The following CEP72 variants were observed in gnomAD, a reference collection of about 807,000 sequenced individuals.
CEP72 encodes the protein centrosomal protein 72, also known as centrosomal protein of 72 kDa.
In CEP72, 78 loss-of-function variants were observed where a neutral mutation model predicts 65.7. The ratio of observed to expected loss-of-function variants is 1.19; its 90% CI spans 0.99 to 1.43. CEP72 has a LOEUF of 1.43. CEP72 is among the 40% of genes most tolerant of loss of function. The probability of loss-of-function intolerance (pLI) is 0.00; values close to 1 mark genes in which losing one functional copy is unlikely to be tolerated. For synonymous variants in CEP72, 358 were observed against 351.7 expected (o/e 1.02, Z -0.20); for missense variants, 914 against 832.9 (o/e 1.10, Z -1.20).
At chr5:646,286 T>G (rs954136352) in intron 10 of CEP72, among the ~76,000 whole-genome samples, 5 of 152,238 alleles carry the variant, frequency 3.3e-5, no homozygotes, top group African/African-American at 1.2e-4. Context: ...TTTCTGACAT[T>G]TCTAATTATG....
chr5:641,457 G>A lies in CEP72; in HGVS notation c.1539+853G>A, dbSNP rs1444520125. 3.0e-6 allele frequency: 3 copies of A among 985,340 alleles called. No individual in the cohort carries two copies. The African/African-American group carries it at 5.2e-5, about 17-fold the overall frequency. 61.0% of individuals were successfully genotyped at this position (985,340 alleles called of 1,614,324 possible). On this transcript the variant is annotated intron_variant, in intron 9 of 11. Coordinates refer to ENST00000264935, the MANE Select transcript of CEP72 (RefSeq NM_018140.4). ...AACTGCCTCTGAACTTGTCTGACAAGTACATACTGTCCGTTTCATGGGAAC... is the reference window on the plus strand; with the variant it reads ...AACTGCCTCTGAACTTGTCTGACAAATACATACTGTCCGTTTCATGGGAAC...
chr5:628,698 G>T (rs1481714948), intron 4 of CEP72, among the ~76,000 whole-genome samples: 14 of 124,648 alleles, frequency 1.1e-4, no homozygotes, highest in East Asian at 2.4e-4. Context: ...GCCCCGGGGA[G>T]TGTTCCCAGG....
In CEP72 at chr5:639,186, G is replaced by T. The variant is rs745342368; in HGVS notation, c.1304G>T (p.Gly435Val). ...TLLDLVDRSW[G>V]GCRSLHSNEA... is the part of the protein sequence containing the mutation. ...TTGGACCTGGTGGACAGGAGCTGGG[G>T]CGGCTGCAGGTCCCTGCACAGCAAC... The change falls in exon 8 of 12, where the codon GGC (glycine) becomes GTC (valine). Residue 435 changes from glycine (G) to valine (V), a missense_variant. Transcript: ENST00000264935. 6.2e-7 allele frequency: 1 copy of T among 1,607,184 alleles called. No homozygotes were observed.
At chr5:622,813 A>G (rs921709427) in intron 3 of CEP72, among the ~76,000 whole-genome samples, 4 of 152,220 alleles carry the variant, frequency 2.6e-5, no homozygotes, top group Non-Finnish European at 5.9e-5. Context: ...GTTTAATTAT[A>G]AGAGGTTTGG....
downstream of CEP72, among the ~76,000 whole-genome samples, chr5:670,648 G>A (rs1014162146): frequency 7.9e-5 from 12 of 152,096 alleles, no homozygotes; most frequent in African/African-American, 2.4e-4. Flanking sequence ...CCTGCACGTC[G>A]CTCCGAGTTC....
In CEP72 at chr5:633,886, G is replaced by A. The variant is rs1315848215; in HGVS notation, c.630G>A (p.Arg210=). 3 of 1,613,304 alleles carry A rather than the reference G, an allele frequency of 1.9e-6. No individual in the cohort carries two copies. Among genetic ancestry groups the A allele is most frequent in the African/African-American group, 2.7e-5 (2 of 74,948 alleles). Residue 210 remains arginine, a synonymous_variant, in exon 5 of 12, where the codon AGG becomes AGA. Transcript: ENST00000264935. ...CAGAGTGCGAGTGGGACCTCGGCAG[G>A]CCTCCCGGGAGCACGAGCTTCAGCC... ...LIAECEWDLG[R]PPGSTSFSQK... is the part of the protein sequence containing the mutation.
chr5:646,227 G>A (rs563960917), intron 10 of CEP72, among the ~76,000 whole-genome samples: 21 of 152,342 alleles, frequency 1.4e-4, no homozygotes, highest in African/African-American at 4.3e-4. Flanking sequence ...CACTTCCAGT[G>A]TGAATTTTTT....
chr5:669,517 G>C (rs1363515956), downstream of CEP72, among the ~76,000 whole-genome samples: 1 of 152,154 alleles, frequency 6.6e-6, no homozygotes, highest in Admixed American at 6.5e-5. Context: ...GCCGTCAAAG[G>C]CTCTCCTGTC....
At chr5:627,998 C>T (rs766266954) in intron 4 of CEP72, among the ~76,000 whole-genome samples, 4 of 152,296 alleles carry the variant, frequency 2.6e-5, no homozygotes, top group South Asian at 2.1e-4. Context: ...GAGCGTCACT[C>T]GGTGCGTGCA....
chr5:634,080 CTT>C, intron 5 of CEP72, 133 bp downstream of exon 5: 1 of 759,946 alleles, frequency 1.3e-6, no homozygotes, highest in Non-Finnish European at 2.1e-6. Flanking sequence ...CATGATGTGT[CTT>C]TGTGTGCTTT....
chr5:648,143 A>C (rs1354056574), intron 11 of CEP72, among the ~76,000 whole-genome samples: 1 of 152,080 alleles, frequency 6.6e-6, no homozygotes, highest in Non-Finnish European at 1.5e-5. Context: ...TGGATCATGA[A>C]GTGTGACCCA....
rs1013760633 is a variant in CEP72, at chr5:637,725, C to T, written c.1113C>T (p.Asp371=). The change falls in exon 7 of 12, where the codon GAC becomes GAT. Residue 371 remains aspartate, a synonymous_variant. Transcript: ENST00000264935. ...CCAAGGAGAGCCTGAGCAGACAGGA[C>T]AGCTCAGAAAGCAGGAACGGGAGGA... ...SVPKESLSRQ[D]SSESRNGRTL... The T allele has an allele frequency of 1.9e-6, 3 of 1,613,548 alleles. No individual in the cohort carries two copies. The highest frequency in any genetic ancestry group is 2.5e-6 in the Non-Finnish European group (3 of 1,179,980).
At chr5:672,411 A>G in the CEP72 span, among the ~76,000 whole-genome samples, 1 of 152,330 alleles carries the variant, frequency 6.6e-6, no homozygotes, top group African/African-American at 2.4e-5. Context: ...TTTACTTGGG[A>G]AAATACACCA....
At chr5:674,399 C>A in the CEP72 span, among the ~76,000 whole-genome samples, 2 of 150,748 alleles carry the variant, frequency 1.3e-5, no homozygotes, top group Non-Finnish European at 2.9e-5. Flanking sequence ...CCTGCCCTTG[C>A]CCACGCAGGC....
rs1029131776 is a variant in CEP72, at chr5:612,378, C to G, written c.17C>G (p.Pro6Arg). Reference protein sequence around the residue: MARAGPRLVLSEEAVR... With the variant: MARAGRRLVLSEEAVR... The stretch of plus-strand genomic sequence containing the variant: ...GTTTGAAACATGGCGCGGGCTGGCC[C>G]TCGGCTGGTGCTGAGCGAGGAGGCG... The change falls in exon 1 of 12, where the codon CCT becomes CGT. Residue 6 changes from proline (P) to arginine (R), a missense_variant. Transcript: ENST00000264935. 2.0e-6 allele frequency: 3 copies of G among 1,491,212 alleles called. No homozygotes were observed. Among genetic ancestry groups the G allele is most frequent in the Admixed American group, 4.4e-5 (2 of 45,366 alleles). 92.4% of individuals were successfully genotyped at this position (1,491,212 alleles called of 1,614,324 possible). A position where few individuals can be genotyped will look rare whatever the true frequency, so the allele number is the denominator to read the frequency against.
At chr5:612,927 CCTTCT>C (rs1434209651) in intron 1 of CEP72, among the ~76,000 whole-genome samples, 1 of 152,176 alleles carries the variant, frequency 6.6e-6, no homozygotes, top group Non-Finnish European at 1.5e-5. Flanking sequence ...AGAAGTGTTG[CCTTCT>C]CTTATATTTA....
In CEP72 at chr5:640,525, G is replaced by A. The variant is rs146198853; in HGVS notation, c.1460G>A (p.Arg487His). 1.6e-3 allele frequency: 2,523 copies of A among 1,614,152 alleles called. 4 individuals carry two copies. The highest frequency in any genetic ancestry group is 5.1e-3 in the Middle Eastern group (31 of 6,054). The change falls in exon 9 of 12, where the codon CGC (arginine) becomes CAC (histidine). Residue 487 changes from arginine to histidine, a missense_variant. Arg to His is a conservative substitution (Grantham distance 29, BLOSUM62 0). Coordinates refer to ENST00000264935, the MANE Select transcript of CEP72 (RefSeq NM_018140.4). Reference sequence around the variant, plus strand: ...CTGGAGAGTAAGTCCCTGCAAAGCCGCCTTGCTGAGCAGCAGCAGCAGCAC... The same window carrying A: ...CTGGAGAGTAAGTCCCTGCAAAGCCACCTTGCTGAGCAGCAGCAGCAGCAC... ...LALESKSLQS[R>H]LAEQQQQHAR...
At chr5:657,915 T>A (rs1739421358), downstream of CEP72, among the ~76,000 whole-genome samples, 1 of 152,184 alleles carries the variant, frequency 6.6e-6, no homozygotes, top group African/African-American at 2.4e-5. Context: ...TGTTAGGGGT[T>A]TTCTTTTGTA....
chr5:665,963 T>C (rs376356798), exon 4 of CEP72: 248 of 682,988 alleles, frequency 3.6e-4, no homozygotes, highest in Non-Finnish European at 4.5e-4. Context: ...ATCCCCGCCC[T>C]GCTCACCGTC....
Sources: allele counts gnomAD v4.1 joint callset (sites outside exome capture counted in the v4.1 genomes callset), GRCh38; gene constraint gnomAD v4.1.1; transcripts MANE v1.5; gene names NCBI Gene and HGNC (gene_info 2026-07-23, HGNC 2026-07-21).